The following ROBO2 variants were observed in gnomAD, a reference collection of about 807,000 sequenced individuals.
ROBO2 encodes the protein roundabout guidance receptor 2.
A neutral mutation model predicts 160.8 loss-of-function variants in ROBO2; 53 were observed. The ratio of observed to expected loss-of-function variants is 0.33; its 90% CI spans 0.26 to 0.41. ROBO2 has a LOEUF of 0.41. Ranked by LOEUF, ROBO2 falls within the 10% of genes least tolerant of loss-of-function variation. The probability of loss-of-function intolerance (pLI) is 1.00; values close to 1 mark genes in which losing one functional copy is unlikely to be tolerated. For missense variants in ROBO2, 1,577 were observed against 1,722.4 expected, an observed-to-expected ratio of 0.92 and a Z score of 1.49; for synonymous variants, 664 against 611.7, an observed-to-expected ratio of 1.09 and a Z score of -1.26.
At chr3:77,081,661 TG>T (rs1166178879) in intron 1 of ROBO2, among the ~76,000 whole-genome samples, 1 of 152,210 alleles carries the variant, frequency 6.6e-6, no homozygotes. Context: ...CAGTGGCTTG[TG>T]CAAAAGTGTG....
At chr3:76,886,261 T>C (rs55919854) in intron 2 of ROBO2, among the ~76,000 whole-genome samples, 1 of 135,558 alleles carries the variant, frequency 7.4e-6, no homozygotes, top group Non-Finnish European at 1.6e-5. Context: ...TCCAAAAAAA[T>C]ATATATATAT....
In ROBO2 at chr3:76,132,455, C is replaced by T. The variant is rs533322976; in HGVS notation, c.109+194853C>T. Among the ~76,000 whole-genome samples, 56 of 149,486 alleles carry T rather than the reference C, an allele frequency of 3.7e-4. No individual in the cohort carries two copies. The East Asian group carries it at 9.7e-3, about 26-fold the overall frequency. On this transcript the variant is annotated intron_variant, in intron 2 of 26. Coordinates refer to the ROBO2 transcript ENST00000487694. ...CACGTTTGTCCAAATGGCTTAGGCA[C>T]AGTAAATCACATTCATCAATTAGGA...
intron 2 of ROBO2, among the ~76,000 whole-genome samples, chr3:76,741,372 A>G (rs2093799214): frequency 6.6e-6 from 1 of 152,148 alleles, no homozygotes; most frequent in Admixed American, 6.5e-5. Context: ...TTATGTGCTC[A>G]GATTTTAAAT....
At chr3:76,817,213 A>G (rs1402031895) in intron 2 of ROBO2, among the ~76,000 whole-genome samples, 1 of 152,128 alleles carries the variant, frequency 6.6e-6, no homozygotes, top group African/African-American at 2.4e-5. Context: ...AAAGTGTAAT[A>G]AAAAATTAAA....
chr3:76,739,072 C>T lies in ROBO2; in HGVS notation c.110-358942C>T, dbSNP rs140883653. Among the ~76,000 whole-genome samples the T allele has an allele frequency of 9.2e-3, 1,391 of 151,968 alleles. 17 individuals are homozygous for T. The highest frequency in any genetic ancestry group is 0.031 in the African/African-American group (1,277 of 41,486). ...TGGGTACAGATTCAGGTCAGTGTGG[C>T]GATTCCTCAGGGATCTAGAACTAGA... On this transcript the variant is annotated intron_variant, in intron 2 of 26. Coordinates refer to the ROBO2 transcript ENST00000487694.
intron 2 of ROBO2, among the ~76,000 whole-genome samples, chr3:76,119,213 G>T (rs2070614328): frequency 6.6e-6 from 1 of 152,152 alleles, no homozygotes; most frequent in Admixed American, 6.5e-5. Flanking sequence ...AGTAATAGAT[G>T]AATTCGCTGT....
At chr3:76,461,551 A>G (rs1283779148) in intron 2 of ROBO2, among the ~76,000 whole-genome samples, 2 of 152,238 alleles carry the variant, frequency 1.3e-5, no homozygotes, top group Non-Finnish European at 2.9e-5. Context: ...AACCTTTAGA[A>G]TAAAGCAAGA....
chr3:77,015,640 A>G (rs1368024984), intron 2 of ROBO2, among the ~76,000 whole-genome samples: 1 of 152,200 alleles, frequency 6.6e-6, no homozygotes, highest in Non-Finnish European at 1.5e-5. Flanking sequence ...AAACATTTTA[A>G]CAGCTTATTT....
At chr3:77,309,560 A>T (rs2063370462) in intron 2 of ROBO2, among the ~76,000 whole-genome samples, 1 of 152,270 alleles carries the variant, frequency 6.6e-6, no homozygotes, top group African/African-American at 2.4e-5. Context: ...TGCCAAGTTT[A>T]GTACATAAAA....
At chr3:76,385,302 CTT>C (rs1014572594) in intron 2 of ROBO2, among the ~76,000 whole-genome samples, 1 of 152,112 alleles carries the variant, frequency 6.6e-6, no homozygotes, top group African/African-American at 2.4e-5. Context: ...TGCCAAGTGT[CTT>C]TTAAAAAGTT....
chr3:75,907,449 C>T (rs1946395466), intron 1 of ROBO2, among the ~76,000 whole-genome samples: 1 of 152,038 alleles, frequency 6.6e-6, no homozygotes, highest in South Asian at 2.1e-4. Flanking sequence ...CAGGGGAAAA[C>T]CCTCAGAGTA....
At chr3:76,981,613 T>C (rs2060102033) in intron 2 of ROBO2, among the ~76,000 whole-genome samples, 1 of 152,180 alleles carries the variant, frequency 6.6e-6, no homozygotes. Context: ...TTATTTTTAC[T>C]CTCTTCACAA....
At chr3:77,139,914 T>C (rs1050522051) in intron 2 of ROBO2, among the ~76,000 whole-genome samples, 11 of 152,278 alleles carry the variant, frequency 7.2e-5, no homozygotes, top group African/African-American at 2.6e-4. Context: ...ATAGATGACA[T>C]GCTTGTCAAC....
At chr3:76,471,794 C>T (rs1370491533) in intron 2 of ROBO2, among the ~76,000 whole-genome samples, 1 of 152,030 alleles carries the variant, frequency 6.6e-6, no homozygotes, top group African/African-American at 2.4e-5. Context: ...AGGAAACTTA[C>T]AATCATGGCA....
At chr3:77,237,637 C>T (rs2088274011) in intron 2 of ROBO2, among the ~76,000 whole-genome samples, 1 of 152,138 alleles carries the variant, frequency 6.6e-6, no homozygotes. Flanking sequence ...TCTATCTATT[C>T]ACCTATTGAC....
At chr3:76,808,111 A>T (rs2064876592) in intron 2 of ROBO2, among the ~76,000 whole-genome samples, 1 of 152,158 alleles carries the variant, frequency 6.6e-6, no homozygotes. Flanking sequence ...AAAGGATATG[A>T]TGAATATATA....
intron 2 of ROBO2, among the ~76,000 whole-genome samples, chr3:77,285,728 A>T (rs1652705610): frequency 6.6e-6 from 1 of 151,976 alleles, no homozygotes; most frequent in Admixed American, 6.6e-5. Context: ...ATTTTATATC[A>T]CTCCTTTTCC....
intron 2 of ROBO2, among the ~76,000 whole-genome samples, chr3:77,098,561 AAGC>A (rs2071414062): frequency 6.6e-6 from 1 of 152,054 alleles, no homozygotes; most frequent in African/African-American, 2.4e-5. Flanking sequence ...TATTATAAGA[AAGC>A]AGGCCGGGCG....
intron 2 of ROBO2, among the ~76,000 whole-genome samples, chr3:76,935,065 C>T (rs964255044): frequency 6.6e-6 from 1 of 151,972 alleles, no homozygotes; most frequent in East Asian, 2.0e-4. Context: ...GATCCTCCCA[C>T]CTCAGCCTCC....
Sources: allele counts gnomAD v4.1 joint callset (sites outside exome capture counted in the v4.1 genomes callset), GRCh38; gene constraint gnomAD v4.1.1; transcripts MANE v1.5; gene names NCBI Gene and HGNC (gene_info 2026-07-23, HGNC 2026-07-21).